ZFYVE27: variants seen among roughly 807,000 people sequenced by gnomAD.
ZFYVE27 encodes zinc finger FYVE-type containing 27.
A neutral mutation model predicts 52.8 loss-of-function variants in ZFYVE27; 36 were observed. The observed-to-expected ratio is 0.68, with a 90% CI of 0.52 to 0.90. The LOEUF (loss-of-function observed/expected upper bound fraction) is 0.90, where lower values mean the gene tolerates loss of function less well. Among genes scored for constraint, ZFYVE27 ranks in the 40% least tolerant of loss-of-function variants. The probability of loss-of-function intolerance (pLI) is 0.00; values close to 1 mark genes in which losing one functional copy is unlikely to be tolerated. For missense variants in ZFYVE27, 450 were observed against 527.2 expected (o/e 0.85, Z 1.43); for synonymous variants, 223 against 215.6 (o/e 1.03, Z -0.30).
Position 97,738,510 on chromosome 10 carries a change from G to A in ZFYVE27, c.33G>A (p.Pro11=), listed in dbSNP as rs777439591. MQTSEREGSG[P]ELSPSVMPEA... is the part of the protein sequence containing the mutation. ...CATCAGAACGTGAGGGGAGTGGGCC[G>A]GAGCTGAGCCCCAGCGTGATGCCCG... is the stretch of plus-strand genomic sequence containing the variant. The change falls in exon 2 of 13, where the codon CCG becomes CCA. Residue 11 remains proline (P), a synonymous_variant. Transcript: ENST00000684270. 13 of 1,614,040 alleles carry A rather than the reference G, an allele frequency of 8.1e-6. No individual in the cohort carries two copies. In the East Asian group the frequency reaches 1.8e-4, roughly 22 times the overall value.
chr10:97,751,833 C>T (rs1002904065), intron 8 of ZFYVE27, among the ~76,000 whole-genome samples: 8 of 152,104 alleles, frequency 5.3e-5, no homozygotes, highest in African/African-American at 1.7e-4. Flanking sequence ...GTAAGATGTC[C>T]CTTTGCGGGG....
intron 10 of ZFYVE27, chr10:97,754,799 C>T: frequency 3.1e-6 from 4 of 1,289,356 alleles, no homozygotes; most frequent in Non-Finnish European, 4.0e-6. Flanking sequence ...ACACTACACA[C>T]AAGAAGTATT....
At chr10:97,758,569 G>A (rs558024666) in intron 12 of ZFYVE27, among the ~76,000 whole-genome samples, 102 of 152,284 alleles carry the variant, frequency 6.7e-4, no homozygotes, top group African/African-American at 2.3e-3. Context: ...TGATCTGCCC[G>A]CCTCGGCCTC....
At chr10:97,739,130 T>C (rs2042899832) in intron 2 of ZFYVE27, among the ~76,000 whole-genome samples, 1 of 151,562 alleles carries the variant, frequency 6.6e-6, no homozygotes, top group African/African-American at 2.4e-5. Flanking sequence ...AGAATCTTGC[T>C]GTATTGTCCA....
Position 97,750,419 on chromosome 10 carries a change from T to TG in ZFYVE27, c.759dup (p.Lys254GlufsTer26), listed in dbSNP as rs1295639405. 2 of 1,614,092 alleles carry TG rather than the reference T, an allele frequency of 1.2e-6. No individual in the cohort carries two copies. Among genetic ancestry groups the TG allele is most frequent in the Admixed American group, 1.7e-5 (1 of 60,022 alleles). ...TTGAGAGTCCTCCACCACCAGATGT[T>TG]GGGGGGAAGGATGGTCTGATGGACA... On this transcript the variant is annotated frameshift_variant, in exon 7 of 13. Coordinates refer to ENST00000684270, the MANE Select transcript of ZFYVE27 (RefSeq NM_001385875.1). LOFTEE classifies it high-confidence loss of function.
At chr10:97,755,652 C>T (rs1185806355) in intron 10 of ZFYVE27, among the ~76,000 whole-genome samples, 1 of 152,190 alleles carries the variant, frequency 6.6e-6, no homozygotes, top group Non-Finnish European at 1.5e-5. Flanking sequence ...TGTTAGGGGA[C>T]TGTGGTGGGG....
rs2044714027 is a variant in ZFYVE27 at position 97,744,757 on chromosome 10, G to A, written c.297G>A (p.Met99Ile). The change falls in exon 4 of 13, where the codon ATG (methionine) becomes ATA (isoleucine). Residue 99 changes from methionine to isoleucine, a missense_variant. Transcript: ENST00000684270. The stretch of plus-strand genomic sequence containing the variant: ...CATGGTACTCAGTAGGTGCCCTGAT[G>A]ATTTCAGTGCCCGCCCTGCTGGGCT... ...EGAWYSVGALMISVPALLGYL... is the reference protein window; with the variant it reads ...EGAWYSVGALIISVPALLGYL... The A allele has an allele frequency of 8.7e-6, 14 of 1,613,926 alleles. No individual in the cohort carries two copies. The East Asian group carries it at 2.9e-4, about 33-fold the overall frequency.
intron 8 of ZFYVE27, among the ~76,000 whole-genome samples, chr10:97,752,552 A>G (rs1340166086): frequency 6.6e-6 from 1 of 151,978 alleles, no homozygotes; most frequent in Admixed American, 6.5e-5. Flanking sequence ...AAGTGAAACA[A>G]AAGTTTCCGG....
At position 97,757,424 on chromosome 10, in the gene ZFYVE27, C is replaced by T; in HGVS notation, c.1089+113C>T. The T allele has an allele frequency of 2.7e-6, 4 of 1,501,480 alleles. No homozygotes were observed. In the South Asian group the frequency reaches 4.6e-5, roughly 17 times the overall value. 93.0% of individuals were successfully genotyped at this position (1,501,480 alleles called of 1,614,324 possible). A position where few individuals can be genotyped will look rare whatever the true frequency, so the allele number is the denominator to read the frequency against. ...CTGGCTCGGGTCACATTGGGCCTGG[C>T]AGTGGCTTTCTGGAGTGAGTGTGCC... On this transcript the variant is annotated intron_variant, in intron 11 of 12. Coordinates refer to ENST00000684270, the MANE Select transcript of ZFYVE27 (RefSeq NM_001385875.1).
At chr10:97,746,843 C>T (rs2045576566) in intron 4 of ZFYVE27, among the ~76,000 whole-genome samples, 1 of 152,054 alleles carries the variant, frequency 6.6e-6, no homozygotes, top group Non-Finnish European at 1.5e-5. Flanking sequence ...GCACATGCAC[C>T]ATACCCTGCT....
intron 10 of ZFYVE27, chr10:97,754,861 A>G (rs1385393723): frequency 7.8e-7 from 1 of 1,281,054 alleles, no homozygotes; most frequent in Non-Finnish European, 1.0e-6. Context: ...AAGTAAAGGT[A>G]CTTAGCTGTT....
chr10:97,738,824 A>T, intron 2 of ZFYVE27, 150 bp downstream of exon 2: 1 of 818,960 alleles, frequency 1.2e-6, no homozygotes, highest in Non-Finnish European at 2.0e-6. Context: ...CTCTGGGTTT[A>T]TCTAGGCCTA....
chr10:97,757,015 C>A (rs1420684061), intron 10 of ZFYVE27, among the ~76,000 whole-genome samples: 1 of 152,168 alleles, frequency 6.6e-6, no homozygotes, highest in African/African-American at 2.4e-5. Context: ...TAGGTAGGGC[C>A]ACTCAGCTCT....
At chr10:97,742,134 GAAAAAAA>G (rs796122082) in intron 2 of ZFYVE27, among the ~76,000 whole-genome samples, 7 of 75,240 alleles carry the variant, frequency 9.3e-5, no homozygotes, top group Non-Finnish European at 1.9e-4. Flanking sequence ...TGTCTCAAAA[GAAAAAAA>G]AAAAAAAAAA....
chr10:97,750,501 G>C, intron 7 of ZFYVE27, 31 bp downstream of exon 7: 1 of 1,612,534 alleles, frequency 6.2e-7, no homozygotes, highest in Non-Finnish European at 8.5e-7. Context: ...AGAGCCTGCT[G>C]TGGCCGCTTG....
Position 97,760,608 on chromosome 10 carries a change from A to C in ZFYVE27, c.*1308A>C, listed in dbSNP as rs1047537. The C allele has an allele frequency of 0.053, 8,047 of 152,154 alleles. 622 individuals carry two copies. The highest frequency in any genetic ancestry group is 0.17 in the African/African-American group (7,121 of 41,420). The allele number at this position is 152,154 out of a possible 1,614,324, so 9.4% of individuals were successfully genotyped here. ...CATGAGGGGGCTGAGAGGTTTCTAC[A>C]CTCGAGGAGCAGGGGTCCAGAGAGG... On this transcript the variant is annotated 3_prime_UTR_variant, in exon 13 of 13. Transcript: ENST00000684270.
intron 4 of ZFYVE27, 94 bp downstream of exon 4, chr10:97,745,009 A>C (rs1260381316): frequency 1.4e-6 from 2 of 1,393,668 alleles, no homozygotes; most frequent in Non-Finnish European, 9.8e-7. Context: ...CATATTAGGC[A>C]AACCACAGCT....
intron 10 of ZFYVE27, among the ~76,000 whole-genome samples, chr10:97,754,312 CCT>C (rs2047777772): frequency 8.5e-6 from 1 of 117,156 alleles, no homozygotes; most frequent in Non-Finnish European, 1.9e-5. Flanking sequence ...ATTCAAGATC[CCT>C]TTTTTTTTTT....
chr10:97,757,159 G>C, intron 10 of ZFYVE27, 106 bp from the exon 11 acceptor site: 1 of 1,526,836 alleles, frequency 6.5e-7, no homozygotes, highest in Middle Eastern at 1.9e-4. Flanking sequence ...GTCCAGCCAA[G>C]GAGGCTGGGC....
Sources: gnomAD v4.1 joint callset for allele counts (sites outside exome capture counted in the v4.1 genomes callset) on GRCh38, gnomAD v4.1.1 for gene constraint, MANE v1.5 for transcripts, NCBI Gene and HGNC (gene_info 2026-07-23, HGNC 2026-07-21) for gene names.